CCDC57: variants seen among roughly 807,000 people sequenced by gnomAD.
CCDC57 encodes coiled-coil domain containing 57.
In CCDC57, 118 loss-of-function variants were observed where a neutral mutation model predicts 118.9. The ratio of observed to expected loss-of-function variants is 0.99; its 90% CI spans 0.86 to 1.16. The LOEUF (loss-of-function observed/expected upper bound fraction) is 1.16, where lower values mean the gene tolerates loss of function less well. Among genes scored for constraint, CCDC57 ranks in the 50% most tolerant of loss-of-function variants. The pLI is 0.00. For synonymous variants in CCDC57, 527 were observed against 532.9 expected, an observed-to-expected ratio of 0.99 and a Z score of 0.15; for missense variants, 1,300 against 1,320.7, an observed-to-expected ratio of 0.98 and a Z score of 0.24.
At chr17:82,152,425 G>C (rs2145871053) in intron 15 of CCDC57, 1 of 154,754 alleles carries the variant, frequency 6.5e-6, no homozygotes, top group East Asian at 1.9e-4. Context: ...GCCGACACAG[G>C]GGCAGGAGCT....
intron 16 of CCDC57, among the ~76,000 whole-genome samples, chr17:82,141,376 G>T (rs943093683): frequency 1.3e-5 from 2 of 152,174 alleles, no homozygotes; most frequent in African/African-American, 4.8e-5. Context: ...TAGAGACAGG[G>T]TTTTGCCATG....
chr17:82,198,800 C>T (rs2048610691), intron 3 of CCDC57, among the ~76,000 whole-genome samples: 1 of 151,678 alleles, frequency 6.6e-6, no homozygotes, highest in African/African-American at 2.4e-5. Flanking sequence ...AGCATCCTGG[C>T]TAACACGGTG....
chr17:82,170,377 A>C (rs967409605), intron 13 of CCDC57, among the ~76,000 whole-genome samples: 9 of 151,938 alleles, frequency 5.9e-5, no homozygotes, highest in Non-Finnish European at 1.2e-4. Flanking sequence ...GCGTGGTGGC[A>C]TGCACCTGTA....
At chr17:82,182,284 A>C (rs556392033) in intron 9 of CCDC57, among the ~76,000 whole-genome samples, 26 of 151,948 alleles carry the variant, frequency 1.7e-4, no homozygotes, top group African/African-American at 4.6e-4. Flanking sequence ...TATTTAACAA[A>C]AAAAAAAAAG....
At chr17:82,116,563 T>A (rs942730512) in intron 19 of CCDC57, among the ~76,000 whole-genome samples, 6 of 152,108 alleles carry the variant, frequency 3.9e-5, no homozygotes, top group Admixed American at 3.9e-4. Flanking sequence ...GCCCTCCCCC[T>A]GCTCTAATCA....
intron 19 of CCDC57, chr17:82,126,360 A>G: frequency 1.0e-6 from 1 of 955,320 alleles, no homozygotes; most frequent in Non-Finnish European, 1.2e-6. Flanking sequence ...GAACATAAAA[A>G]AACACCATAA....
chr17:82,150,247 ACACTCAGAACCTGACCCG>A, intron 16 of CCDC57, among the ~76,000 whole-genome samples: 2 of 145,628 alleles, frequency 1.4e-5, no homozygotes, highest in African/African-American at 2.6e-5. Context: ...AACCAGGCGC[ACACTCAGAACCTGACCCG>A]CACCCAGAAC....
intron 5 of CCDC57, among the ~76,000 whole-genome samples, chr17:82,194,583 T>C (rs2048076905): frequency 6.6e-6 from 1 of 152,128 alleles, no homozygotes; most frequent in Admixed American, 6.5e-5. Flanking sequence ...GTGCTGGGAT[T>C]ACAGGTGTGA....
intron 9 of CCDC57, among the ~76,000 whole-genome samples, chr17:82,180,968 G>A (rs1234735722): frequency 6.6e-6 from 1 of 152,218 alleles, no homozygotes; most frequent in Non-Finnish European, 1.5e-5. Flanking sequence ...GAAGGTCCTC[G>A]CGAGATGGGC....
Position 82,192,027 on chromosome 17 carries a change from C to T in CCDC57, c.851+1729G>A, listed in dbSNP as rs191598350. 2.9e-4 allele frequency among the ~76,000 whole-genome samples: 44 copies of T among 151,520 alleles called. No individual in the cohort carries two copies. The East Asian group carries it at 7.4e-3, about 25-fold the overall frequency. ...TTGAAACAGAGTCTCACTCTGTCAC[C>T]CAGGCTGGAGTGCAGTGGCGCGGTC... On this transcript the variant is annotated intron_variant, in intron 7 of 19. Transcript: ENST00000665763. The surrounding 1 kb of genome is among the most constrained non-coding windows in gnomAD (Gnocchi z 4.0).
At chr17:82,184,695 G>A (rs192169356) in intron 8 of CCDC57, among the ~76,000 whole-genome samples, 3 of 152,294 alleles carry the variant, frequency 2.0e-5, no homozygotes, top group Admixed American at 2.0e-4. Flanking sequence ...AGAAGCAGAG[G>A]GTGAGCTGGC....
At chr17:82,194,308 A>G (rs1246071240) in intron 5 of CCDC57, 169 bp from the exon 5 acceptor site, 10 of 522,364 alleles carry the variant, frequency 1.9e-5, no homozygotes, top group Admixed American at 1.0e-4. Context: ...AGACTCAATG[A>G]CTTTTTTTTT....
At chr17:82,128,780 G>A (rs2037866781) in intron 17 of CCDC57, among the ~76,000 whole-genome samples, 183 bp from the exon 17 acceptor site, 1 of 152,180 alleles carries the variant, frequency 6.6e-6, no homozygotes, top group Admixed American at 6.5e-5. Context: ...AATGGAGCAG[G>A]CTTCCCCAGT....
chr17:82,122,185 C>T lies in CCDC57; in HGVS notation c.2899+5507G>A, dbSNP rs756363053. 2.2e-4 allele frequency among the ~76,000 whole-genome samples: 33 copies of T among 152,336 alleles called. 1 individual carries two copies. In the Middle Eastern group the frequency reaches 0.014, roughly 63 times the overall value. ...TCCTTCCTCCTTCAGAGCCTGTGGC[C>T]GGCCTCGGGCTCTCAGCCTGGATGC... On this transcript the variant is annotated intron_variant, in intron 19 of 19. Transcript: ENST00000665763.
intron 16 of CCDC57, among the ~76,000 whole-genome samples, chr17:82,144,869 C>T (rs1040457701): frequency 2.0e-5 from 3 of 152,100 alleles, no homozygotes; most frequent in Non-Finnish European, 4.4e-5. Flanking sequence ...ATTAAAGACT[C>T]AGCAGGAAAA....
intron 16 of CCDC57, among the ~76,000 whole-genome samples, chr17:82,151,089 G>GCGCACACCCAGAACC: frequency 7.4e-5 from 6 of 80,920 alleles, no homozygotes; most frequent in Non-Finnish European, 1.0e-4. Flanking sequence ...TCAGAACCTG[G>GCGCACACCCAGAACC]TGCACACCCA....
At chr17:82,196,245 C>A (rs778220415) in intron 4 of CCDC57, among the ~76,000 whole-genome samples, 14 of 152,240 alleles carry the variant, frequency 9.2e-5, no homozygotes, top group South Asian at 2.1e-4. Flanking sequence ...CTTGAGGAAG[C>A]CTCACTACTT....
At chr17:82,184,033 A>G (rs11650529) in intron 8 of CCDC57, 101 bp from the exon 8 acceptor site, 11,964 of 168,424 alleles carry the variant, frequency 0.071, 351 homozygotes, top group Non-Finnish European at 0.1. Context: ...GCGCGCGCGC[A>G]CACACACACA....
rs2145843576 is a variant in CCDC57, at chr17:82,151,195, AGG to A, written c.2455+363_2455+364del. ...CAGAACCAGGCGCACACCCAGAACC[AGG>A]CGCACATCCAGAACCTGACCCACAC... On this transcript the variant is annotated intron_variant, in intron 16 of 19. Transcript: ENST00000665763. 3.7e-5 allele frequency among the ~76,000 whole-genome samples: 2 copies of A among 54,088 alleles called. 1 individual carries two copies. The highest frequency in any genetic ancestry group is 1.4e-3 in the East Asian group (2 of 1,380). 35.5% of individuals were successfully genotyped at this position (54,088 alleles called of 152,430 possible). A position where few individuals can be genotyped will look rare whatever the true frequency, so the allele number is the denominator to read the frequency against.
Sources: allele counts gnomAD v4.1 joint callset (sites outside exome capture counted in the v4.1 genomes callset), GRCh38; gene constraint gnomAD v4.1.1; non-coding constraint Gnocchi (gnomAD v3.1); transcripts MANE v1.5; gene names NCBI Gene and HGNC (gene_info 2026-07-23, HGNC 2026-07-21).